LRRIQ1: variants seen among roughly 807,000 people sequenced by gnomAD.
LRRIQ1 encodes the protein leucine-rich repeat- and IQ domain-containing protein 1.
In LRRIQ1, 210 loss-of-function variants were observed where a neutral mutation model predicts 211.9. The observed-to-expected ratio is 0.99, with a 90% confidence interval of 0.89 to 1.11. The LOEUF is 1.11. LRRIQ1 is among the 50% of genes most tolerant of loss of function. LRRIQ1 has a pLI of 0.00. For missense variants in LRRIQ1, 2,136 were observed against 1,939.5 expected, an observed-to-expected ratio of 1.10 and a Z score of -1.90; for synonymous variants, 699 against 650.1, an observed-to-expected ratio of 1.08 and a Z score of -1.14.
At chr12:85,076,863 G>A (rs11116696) in intron 11 of LRRIQ1, among the ~76,000 whole-genome samples, 2,206 of 151,672 alleles carry the variant, frequency 0.015, 30 homozygotes, top group Non-Finnish European at 0.023. Context: ...GTGTAAAGCT[G>A]AAAGGGATCT....
intron 24 of LRRIQ1, among the ~76,000 whole-genome samples, chr12:85,213,534 C>T (rs1021204392): frequency 2.0e-5 from 3 of 151,910 alleles, no homozygotes; most frequent in African/African-American, 7.2e-5. Flanking sequence ...GGAAAATGTA[C>T]ATTATCCTTA....
intron 13 of LRRIQ1, among the ~76,000 whole-genome samples, chr12:85,099,602 C>A (rs545684746): frequency 3.9e-5 from 6 of 151,918 alleles, no homozygotes; most frequent in African/African-American, 1.2e-4. Context: ...ATGTGTATTT[C>A]TCCTCTGCTT....
chr12:85,125,595 T>TTTCAAC (rs1194599018), intron 17 of LRRIQ1, among the ~76,000 whole-genome samples: 53 of 152,310 alleles, frequency 3.5e-4, no homozygotes, highest in African/African-American at 1.1e-3. Context: ...CCAGTCTTCC[T>TTTCAAC]TTTTTCAAAA....
rs189842033 is a variant in LRRIQ1, at chr12:85,061,031, T to C, written c.2391+3847T>C. Among the ~76,000 whole-genome samples the C allele has an allele frequency of 5.9e-5, 9 of 151,996 alleles. 1 individual carries two copies. The East Asian group carries it at 1.7e-3, about 29-fold the overall frequency. On this transcript the variant is annotated intron_variant, in intron 8 of 26. Transcript: ENST00000393217. Reference sequence around the variant, plus strand: ...TTCTCAAGTCATGAGAGTCTGAAAGTATAACTTTTTCAAATGTTTTTACAT... The same window carrying C: ...TTCTCAAGTCATGAGAGTCTGAAAGCATAACTTTTTCAAATGTTTTTACAT...
At chr12:85,261,769 A>AT (rs1305742089) in intron 1 of LRRIQ1, among the ~76,000 whole-genome samples, 4 of 137,420 alleles carry the variant, frequency 2.9e-5, no homozygotes, top group East Asian at 4.0e-4. Context: ...TGTTTATTTT[A>AT]TTTATTTATT....
chr12:85,038,269 T>C lies in LRRIQ1; in HGVS notation c.93T>C (p.Ser31=). ...CCTTGGAAAAAGAAGACATTGAGAG[T>C]GATGCAAAATCAGAAACCCAGAGTG... ...ISSLEKEDIE[S]DAKSETQSDD... The change falls in exon 2 of 27, where the codon AGT becomes AGC. Residue 31 remains serine, a synonymous_variant. Transcript: ENST00000393217. 6.3e-7 allele frequency: 1 copy of C among 1,583,048 alleles called. No homozygotes were observed. The highest frequency in any genetic ancestry group is 8.6e-7 in the Non-Finnish European group (1 of 1,163,140).
At chr12:85,070,688 G>A (rs1015232545) in intron 10 of LRRIQ1, among the ~76,000 whole-genome samples, 20 of 151,468 alleles carry the variant, frequency 1.3e-4, no homozygotes, top group Non-Finnish European at 2.4e-4. Flanking sequence ...TCTGTTATTC[G>A]TTTTGATACT....
downstream of LRRIQ1, among the ~76,000 whole-genome samples, chr12:85,249,767 T>G (rs1438157067): frequency 1.3e-5 from 2 of 151,894 alleles, no homozygotes; most frequent in Admixed American, 6.6e-5. Flanking sequence ...CATGGACTTC[T>G]TTATAAACTG....
At chr12:85,240,012 T>C (rs980586450) in intron 26 of LRRIQ1, among the ~76,000 whole-genome samples, 6 of 151,836 alleles carry the variant, frequency 4.0e-5, no homozygotes, top group African/African-American at 1.5e-4. Context: ...TAAATAAAAA[T>C]AAAACCTATT....
chr12:85,118,504 T>TG (rs929256182), intron 15 of LRRIQ1, among the ~76,000 whole-genome samples: 16 of 151,224 alleles, frequency 1.1e-4, no homozygotes, highest in African/African-American at 3.6e-4. Flanking sequence ...ACTATGTTTT[T>TG]TTTTTTTTTT....
At chr12:85,044,126 C>G (rs995224999) in intron 3 of LRRIQ1, among the ~76,000 whole-genome samples, 1 of 151,744 alleles carries the variant, frequency 6.6e-6, no homozygotes, top group Non-Finnish European at 1.5e-5. Context: ...AATCAGTTAG[C>G]CAGCAGAATG....
At chr12:85,061,387 A>G (rs1592719416) in intron 8 of LRRIQ1, among the ~76,000 whole-genome samples, 3 of 151,868 alleles carry the variant, frequency 2.0e-5, no homozygotes, top group Middle Eastern at 6.8e-3. Flanking sequence ...TATACTATAA[A>G]GATTTTTTTT....
At chr12:85,159,560 T>G (rs1190844473) in intron 23 of LRRIQ1, 1 of 151,864 alleles carries the variant, frequency 6.6e-6, no homozygotes, top group Non-Finnish European at 1.5e-5. Context: ...TTTTCCGGAG[T>G]CATACAACTA....
At chr12:85,211,350 T>C (rs1398997674) in intron 24 of LRRIQ1, among the ~76,000 whole-genome samples, 1 of 152,220 alleles carries the variant, frequency 6.6e-6, no homozygotes, top group Non-Finnish European at 1.5e-5. Flanking sequence ...TTTGTAACCA[T>C]AAGTGTATAA....
rs566195312 is a variant in LRRIQ1 at position 85,151,029 on chromosome 12, A to G, written c.4330-1251A>G. On this transcript the variant is annotated intron_variant, in intron 19 of 26. Coordinates refer to ENST00000393217, the MANE Select transcript of LRRIQ1 (RefSeq NM_001079910.2). The stretch of plus-strand genomic sequence containing the variant: ...AGAATATACTATATTGTTATTAACT[A>G]TAGTCACCATGTTGTGCAAAAGAGC... 2.3e-4 allele frequency among the ~76,000 whole-genome samples: 35 copies of G among 151,594 alleles called. 2 individuals are homozygous for G. In the South Asian group the frequency reaches 7.0e-3, roughly 31 times the overall value.
At chr12:85,062,476 T>A (rs1881938769) in intron 8 of LRRIQ1, among the ~76,000 whole-genome samples, 1 of 151,896 alleles carries the variant, frequency 6.6e-6, no homozygotes, top group Non-Finnish European at 1.5e-5. Flanking sequence ...CTGTGTTAGT[T>A]GGCTTGGGAT....
intron 6 of LRRIQ1, among the ~76,000 whole-genome samples, chr12:85,049,218 T>A (rs1455271757): frequency 6.6e-6 from 1 of 152,136 alleles, no homozygotes. Context: ...GTTTGTTAGC[T>A]GCCTCTCCAT....
chr12:85,121,062 G>A (rs962131353), intron 15 of LRRIQ1, among the ~76,000 whole-genome samples: 3 of 151,978 alleles, frequency 2.0e-5, no homozygotes, highest in Admixed American at 6.6e-5. Context: ...CCACCTCCCC[G>A]GTTCAAGTGA....
intron 1 of LRRIQ1, among the ~76,000 whole-genome samples, chr12:85,257,198 A>AT (rs1565931478): frequency 6.8e-4 from 1 of 1,466 alleles, no homozygotes; most frequent in African/African-American, 2.3e-3. Context: ...ATATTATATA[A>AT]ATATATATAT....
Sources: gnomAD v4.1 joint callset for allele counts (sites outside exome capture counted in the v4.1 genomes callset) on GRCh38, gnomAD v4.1.1 for gene constraint, MANE v1.5 for transcripts, NCBI Gene and HGNC (gene_info 2026-07-23, HGNC 2026-07-21) for gene names.